Variants in CCDC50 observed in about 807,000 individuals in gnomAD.
The protein encoded by CCDC50 is coiled-coil domain containing 50.
In CCDC50, 54 loss-of-function variants were observed where a neutral mutation model predicts 70.2. The ratio of observed to expected loss-of-function variants is 0.77; its 90% CI spans 0.62 to 0.96. The LOEUF is 0.96. Among genes scored for constraint, CCDC50 ranks in the 50% least tolerant of loss-of-function variants. The pLI is 0.00. For synonymous variants in CCDC50, 216 were observed against 198.8 expected, an observed-to-expected ratio of 1.09 and a Z score of -0.73; for missense variants, 558 against 578.7, an observed-to-expected ratio of 0.96 and a Z score of 0.37.
At chr3:191,333,646 A>G (rs1718057553) in intron 1 of CCDC50, among the ~76,000 whole-genome samples, 1 of 152,162 alleles carries the variant, frequency 6.6e-6, no homozygotes. Flanking sequence ...AATGTCTTTT[A>G]TGTAATCAGC....
chr3:191,366,259 C>T (rs1466362544), intron 4 of CCDC50, among the ~76,000 whole-genome samples: 3 of 152,138 alleles, frequency 2.0e-5, no homozygotes. Flanking sequence ...ACACAGGGCA[C>T]ACGTCTGGCC....
chr3:191,378,732 T>G (rs1713201964), intron 6 of CCDC50, among the ~76,000 whole-genome samples: 1 of 30,480 alleles, frequency 3.3e-5, no homozygotes, highest in Non-Finnish European at 5.2e-5. Flanking sequence ...TATGCCACTG[T>G]TTTTTTGTTT....
chr3:191,348,722 A>T (rs910077591), intron 1 of CCDC50, among the ~76,000 whole-genome samples: 1 of 142,102 alleles, frequency 7.0e-6, no homozygotes, highest in Non-Finnish European at 1.6e-5. Flanking sequence ...AAGATGGAAC[A>T]CCTATGTAGA....
intron 1 of CCDC50, among the ~76,000 whole-genome samples, chr3:191,350,288 A>C (rs1266210642): frequency 7.0e-6 from 1 of 142,108 alleles, no homozygotes; most frequent in Non-Finnish European, 1.6e-5. Flanking sequence ...TTCATAGTAG[A>C]TGTTTTCATG....
intron 6 of CCDC50, among the ~76,000 whole-genome samples, chr3:191,377,257 C>G (rs1347196442): frequency 6.6e-6 from 1 of 152,134 alleles, no homozygotes; most frequent in Non-Finnish European, 1.5e-5. Context: ...AATATAATTA[C>G]TAGGTAGTGG....
At position 191,392,068 on chromosome 3, in the gene CCDC50, G is replaced by C; in HGVS notation, c.*308G>C. Reference sequence around the variant, plus strand: ...TTAGGTATGGAGTTTGGTATCTAGGGAGTAGGCCTTATTTAGCAATTCAAA... The same window carrying C: ...TTAGGTATGGAGTTTGGTATCTAGGCAGTAGGCCTTATTTAGCAATTCAAA... On this transcript the variant is annotated 3_prime_UTR_variant, in exon 12 of 12. Coordinates refer to ENST00000392455, the MANE Select transcript of CCDC50 (RefSeq NM_178335.3). The C allele has an allele frequency of 6.8e-6, 2 of 295,690 alleles. No homozygotes were observed. Among genetic ancestry groups the C allele is most frequent in the African/African-American group, 4.3e-5 (2 of 46,778 alleles). The allele number at this position is 295,690 out of a possible 1,614,324, so 18.3% of individuals were successfully genotyped here.
chr3:191,366,022 C>T (rs1240425770), intron 4 of CCDC50, among the ~76,000 whole-genome samples: 5 of 152,080 alleles, frequency 3.3e-5, no homozygotes, highest in Admixed American at 6.6e-5. Context: ...CAGAAATACC[C>T]TAAGGAAGCC....
intron 6 of CCDC50, among the ~76,000 whole-genome samples, chr3:191,378,544 C>G (rs1259815856): frequency 3.1e-5 from 3 of 95,806 alleles, no homozygotes. Flanking sequence ...ATTGAAGTAT[C>G]ATTTTTTCTA....
intron 11 of CCDC50, among the ~76,000 whole-genome samples, chr3:191,389,853 CTTTTTTTTTTTTTTT>C: frequency 1.2e-5 from 1 of 84,642 alleles, no homozygotes; most frequent in African/African-American, 4.9e-5. Context: ...ATCAAATTCA[CTTTTTTTTTTTTTTT>C]TTTTTTTTTT....
In CCDC50 at chr3:191,382,872, G is replaced by T. The variant is rs1713369047; in HGVS notation, c.1322+47G>T. 3 of 1,366,118 alleles carry T rather than the reference G, an allele frequency of 2.2e-6. No individual in the cohort carries two copies. In the South Asian group the frequency reaches 3.5e-5, roughly 16 times the overall value. 84.6% of individuals were successfully genotyped at this position (1,366,118 alleles called of 1,614,324 possible). The stretch of plus-strand genomic sequence containing the variant: ...AAAATGAGGAAGTTGACTTTGGGGT[G>T]AATAAGGAGATTTCAGTTCCCTAAG... On this transcript the variant is annotated intron_variant, in intron 10 of 11. Coordinates refer to ENST00000392455, the MANE Select transcript of CCDC50 (RefSeq NM_178335.3).
In CCDC50 at chr3:191,391,771, AT is replaced by A; in HGVS notation, c.*12del. Reference sequence around the variant, plus strand: ...CATTACAAACATTAAAAACCTAGGAATCTGCCTTGAAAATGGACTCACTATA... The same window carrying A: ...CATTACAAACATTAAAAACCTAGGAACTGCCTTGAAAATGGACTCACTATA... On this transcript the variant is annotated 3_prime_UTR_variant, in exon 12 of 12. Coordinates refer to ENST00000392455, the MANE Select transcript of CCDC50 (RefSeq NM_178335.3). The A allele has an allele frequency of 6.2e-7, 1 of 1,611,300 alleles. No homozygotes were observed. The highest frequency in any genetic ancestry group is 8.5e-7 in the Non-Finnish European group (1 of 1,177,966).
At chr3:191,375,696 T>G in intron 6 of CCDC50, 107 bp downstream of exon 6, 1 of 1,181,978 alleles carries the variant, frequency 8.5e-7, no homozygotes, top group Non-Finnish European at 1.2e-6. Context: ...TAGTTCATGC[T>G]CATGACTTTG....
At chr3:191,373,702 T>G (rs1047443105) in intron 5 of CCDC50, among the ~76,000 whole-genome samples, 13 of 152,180 alleles carry the variant, frequency 8.5e-5, no homozygotes, top group African/African-American at 2.9e-4. Context: ...TCTGTTTTGC[T>G]TTTGATTTTA....
intron 6 of CCDC50, among the ~76,000 whole-genome samples, chr3:191,376,869 G>A (rs1327942209): frequency 6.6e-6 from 1 of 152,138 alleles, no homozygotes. Flanking sequence ...AGGTGTGGGG[G>A]AAGTATGGAG....
At chr3:191,381,435 ATC>A (rs1044843880) in intron 9 of CCDC50, among the ~76,000 whole-genome samples, 1 of 152,132 alleles carries the variant, frequency 6.6e-6, no homozygotes, top group Non-Finnish European at 1.5e-5. Flanking sequence ...TGCAAGACCT[ATC>A]TAGCGTGAGT....
At chr3:191,333,817 CTGTG>C (rs1349388040) in intron 1 of CCDC50, among the ~76,000 whole-genome samples, 1 of 152,070 alleles carries the variant, frequency 6.6e-6, no homozygotes, top group African/African-American at 2.4e-5. Flanking sequence ...ACCTTTTAAA[CTGTG>C]TGTATCACTT....
rs763584349 is a variant in CCDC50, at chr3:191,380,203, C to G, written c.1021C>G (p.Arg341Gly). Residue 341 changes from arginine to glycine, a missense_variant, in exon 7 of 12, where the codon CGA becomes GGA. By Grantham distance (125) the Arg-to-Gly change is moderately radical. Coordinates refer to ENST00000392455, the MANE Select transcript of CCDC50 (RefSeq NM_178335.3). ...GAAAGAAGCTGTATCTACTCCATCA[C>G]GAATGGCCCACAGGGATCAGGAATG... Reference protein sequence around the residue: ...VMKEAVSTPSRMAHRDQEWYD... With the variant: ...VMKEAVSTPSGMAHRDQEWYD... The G allele has an allele frequency of 6.2e-7, 1 of 1,611,042 alleles. No homozygotes were observed. Among genetic ancestry groups the G allele is most frequent in the Non-Finnish European group, 8.5e-7 (1 of 1,178,486 alleles).
intron 1 of CCDC50, among the ~76,000 whole-genome samples, chr3:191,349,966 A>ACCCCCC (rs11454979): frequency 1.4e-3 from 146 of 105,622 alleles, no homozygotes; most frequent in Non-Finnish European, 1.9e-3. Flanking sequence ...ATTTAATAAT[A>ACCCCCC]CCCCCCCCCT....
At position 191,389,479 on chromosome 3, in the gene CCDC50, T is replaced by C; in HGVS notation, c.1323-17T>C. 6.2e-7 allele frequency: 1 copy of C among 1,602,826 alleles called. No homozygotes were observed. Among genetic ancestry groups the C allele is most frequent in the Non-Finnish European group, 8.5e-7 (1 of 1,169,630 alleles). ...GCGTTACTTAGAATGCCCCTTTAAATTCTGGATTCCTTTTAGGCCACCACC... is the reference window on the plus strand; with the variant it reads ...GCGTTACTTAGAATGCCCCTTTAAACTCTGGATTCCTTTTAGGCCACCACC... On this transcript the variant is annotated splice_polypyrimidine_tract_variant and intron_variant, in intron 10 of 11. Coordinates refer to ENST00000392455, the MANE Select transcript of CCDC50 (RefSeq NM_178335.3).
Sources: gnomAD v4.1 joint callset for allele counts (sites outside exome capture counted in the v4.1 genomes callset) on GRCh38, gnomAD v4.1.1 for gene constraint, MANE v1.5 for transcripts, NCBI Gene and HGNC (gene_info 2026-07-23, HGNC 2026-07-21) for gene names.